Variants in SNX31 observed in about 807,000 individuals in gnomAD.
SNX31 encodes the protein sorting nexin 31.
A neutral mutation model predicts 65.4 loss-of-function variants in SNX31; 58 were observed. That is an observed-to-expected ratio of 0.89 (90% confidence interval 0.72 to 1.10). The LOEUF is 1.10. Ranked by LOEUF, SNX31 falls within the 50% of genes least tolerant of loss-of-function variation. The pLI is 0.00. For missense variants in SNX31, 523 were observed against 529.7 expected, an observed-to-expected ratio of 0.99 and a Z score of 0.12; for synonymous variants, 181 against 190.1, an observed-to-expected ratio of 0.95 and a Z score of 0.39.
chr8:100,656,160 C>T (rs1481456620), intron 1 of SNX31, among the ~76,000 whole-genome samples: 1 of 152,120 alleles, frequency 6.6e-6, no homozygotes, highest in Admixed American at 6.5e-5. Flanking sequence ...GAATGGCTGT[C>T]AACAGAAGAC....
rs1819018809 is a variant in SNX31 at position 100,639,652 on chromosome 8, A to T, written c.142-3641T>A. ...TGACTACATATAGAAATATTTATTC[A>T]TGTGTCTGTATACATGGGTTTGTAT... On this transcript the variant is annotated intron_variant, in intron 2 of 13. Coordinates refer to ENST00000311812, the MANE Select transcript of SNX31 (RefSeq NM_152628.4). Among the ~76,000 whole-genome samples, 3 of 152,218 alleles carry T rather than the reference A, an allele frequency of 2.0e-5. No individual in the cohort carries two copies. In the South Asian group the frequency reaches 6.2e-4, roughly 32 times the overall value.
chr8:100,634,189 A>G (rs371689441), intron 3 of SNX31, among the ~76,000 whole-genome samples: 1 of 152,258 alleles, frequency 6.6e-6, no homozygotes, highest in South Asian at 2.1e-4. Flanking sequence ...TGTACACAGC[A>G]TTTCTAGGAC....
intron 8 of SNX31, among the ~76,000 whole-genome samples, chr8:100,605,433 G>T (rs1379909213): frequency 6.6e-6 from 1 of 151,808 alleles, no homozygotes; most frequent in African/African-American, 2.4e-5. Context: ...AGGGAACAAT[G>T]ATGATGATGA....
chr8:100,619,529 G>T (rs780590366), intron 4 of SNX31, among the ~76,000 whole-genome samples: 3 of 152,232 alleles, frequency 2.0e-5, no homozygotes, highest in Non-Finnish European at 4.4e-5. Context: ...GTTCAGGGAA[G>T]CACAGGCTGA....
Position 100,588,822 on chromosome 8 carries a change from C to T in SNX31, c.1092+44G>A, listed in dbSNP as rs1469997613. The stretch of plus-strand genomic sequence containing the variant: ...TCATCCACCCCAGCAAGCAAGACAG[C>T]ATTTCAGCACAGAGGGTGTTCAAGG... On this transcript the variant is annotated intron_variant, in intron 11 of 13. Coordinates refer to ENST00000311812, the MANE Select transcript of SNX31 (RefSeq NM_152628.4). The surrounding 1 kb of genome is among the most constrained non-coding windows in gnomAD (Gnocchi z 4.8). 1 of 1,427,842 alleles carries T rather than the reference C, an allele frequency of 7.0e-7. No individual in the cohort carries two copies. Among genetic ancestry groups the T allele is most frequent in the South Asian group, 1.2e-5 (1 of 85,744 alleles). The allele number at this position is 1,427,842 out of a possible 1,614,324, so 88.4% of individuals were successfully genotyped here.
chr8:100,659,006 C>G (rs1454518760), intron 1 of SNX31, among the ~76,000 whole-genome samples: 1 of 152,092 alleles, frequency 6.6e-6, no homozygotes, highest in Non-Finnish European at 1.5e-5. Context: ...GGGATTCACA[C>G]ATGGATTACA....
rs1816812115 is a variant in SNX31, at chr8:100,612,612, C to A, written c.523+383G>T. Among the ~76,000 whole-genome samples, 1 of 152,130 alleles carries A rather than the reference C, an allele frequency of 6.6e-6. No homozygotes were observed. Among genetic ancestry groups the A allele is most frequent in the Non-Finnish European group, 1.5e-5 (1 of 68,038 alleles). ...AATCTAATAACTCATTGATACCATCCACAAATATTCCTTAACAAGGAGAAA... is the reference window on the plus strand; with the variant it reads ...AATCTAATAACTCATTGATACCATCAACAAATATTCCTTAACAAGGAGAAA... On this transcript the variant is annotated intron_variant, in intron 6 of 13. Transcript: ENST00000311812. This position sits in a 1 kb window ranked among gnomAD's most constrained non-coding sequence, Gnocchi z 4.3.
chr8:100,657,409 G>A (rs374819355), intron 1 of SNX31, among the ~76,000 whole-genome samples: 3 of 148,586 alleles, frequency 2.0e-5, no homozygotes, highest in Non-Finnish European at 3.0e-5. Context: ...CCAAGATCGC[G>A]CCATTGTGCT....
At position 100,626,370 on chromosome 8, in the gene SNX31, C is replaced by G. The variant is rs1290141184; in HGVS notation, c.321+3957G>C. ...GCCAAAATTTGAACTGAGGCCATCT[C>G]ACTACTTAGCCTGAACTCTTAACCC... On this transcript the variant is annotated intron_variant, in intron 4 of 13. Transcript: ENST00000311812. This position sits in a 1 kb window ranked among gnomAD's most constrained non-coding sequence, Gnocchi z 4.4. Among the ~76,000 whole-genome samples, 1 of 152,184 alleles carries G rather than the reference C, an allele frequency of 6.6e-6. No homozygotes were observed. Among genetic ancestry groups the G allele is most frequent in the Non-Finnish European group, 1.5e-5 (1 of 68,030 alleles).
intron 13 of SNX31, among the ~76,000 whole-genome samples, chr8:100,574,910 G>C (rs1169474360): frequency 6.6e-6 from 1 of 152,192 alleles, no homozygotes; most frequent in East Asian, 1.9e-4. Context: ...CTCCAGCCTG[G>C]GCAAGGGAGC....
At chr8:100,633,921 A>G (rs1818576441) in intron 3 of SNX31, among the ~76,000 whole-genome samples, 2 of 152,242 alleles carry the variant, frequency 1.3e-5, no homozygotes. Context: ...AAGTATGTAT[A>G]GTAAAGTTCA....
chr8:100,655,524 TG>T (rs147381339), intron 1 of SNX31, among the ~76,000 whole-genome samples: 5,550 of 152,272 alleles, frequency 0.036, 297 homozygotes, highest in African/African-American at 0.12. Flanking sequence ...AAACCCCTTT[TG>T]CTTGGCTCAT....
rs936531337 is a variant in SNX31, at chr8:100,626,182, A to G, written c.321+4145T>C. Reference sequence around the variant, plus strand: ...TGAAGGTAGTGACTACCTCATATCTATTAACATTGTGCCGGATGATATGCT... The same window carrying G: ...TGAAGGTAGTGACTACCTCATATCTGTTAACATTGTGCCGGATGATATGCT... On this transcript the variant is annotated intron_variant, in intron 4 of 13. Coordinates refer to ENST00000311812, the MANE Select transcript of SNX31 (RefSeq NM_152628.4). The surrounding 1 kb of genome is among the most constrained non-coding windows in gnomAD (Gnocchi z 4.4). 1.3e-5 allele frequency among the ~76,000 whole-genome samples: 2 copies of G among 152,180 alleles called. No homozygotes were observed. Among genetic ancestry groups the G allele is most frequent in the African/African-American group, 4.8e-5 (2 of 41,448 alleles).
At chr8:100,584,064 A>T (rs1345224985) in intron 12 of SNX31, 47 bp downstream of exon 12, 1 of 1,561,772 alleles carries the variant, frequency 6.4e-7, no homozygotes, top group Non-Finnish European at 8.7e-7. Flanking sequence ...CTGTTGGCTG[A>T]TAGTGGGAAC....
intron 10 of SNX31, among the ~76,000 whole-genome samples, chr8:100,595,803 A>G (rs1470782133): frequency 6.6e-6 from 1 of 152,196 alleles, no homozygotes. Context: ...AGAGGTAGAA[A>G]AAACTGGGCC....
At chr8:100,657,117 A>G (rs543349123) in intron 1 of SNX31, among the ~76,000 whole-genome samples, 1 of 152,304 alleles carries the variant, frequency 6.6e-6, no homozygotes, top group Admixed American at 6.5e-5. Flanking sequence ...ATGAGGAGGG[A>G]AAGTGACACA....
chr8:100,636,106 G>A, intron 2 of SNX31, 95 bp from the exon 3 acceptor site: 1 of 787,026 alleles, frequency 1.3e-6, no homozygotes, highest in Non-Finnish European at 2.1e-6. Flanking sequence ...TCCCATCCCA[G>A]CACTTTATTT....
In SNX31 at chr8:100,604,167, C is replaced by T. The variant is rs1198980747; in HGVS notation, c.682-3726G>A. Reference sequence around the variant, plus strand: ...TGAGAGTCGAGTCTAGACAAGTCTACTCAGTTACACGGTTCCCTGAACACT... The same window carrying T: ...TGAGAGTCGAGTCTAGACAAGTCTATTCAGTTACACGGTTCCCTGAACACT... On this transcript the variant is annotated intron_variant, in intron 8 of 13. Transcript: ENST00000311812. The surrounding 1 kb of genome is among the most constrained non-coding windows in gnomAD (Gnocchi z 4.3). Among the ~76,000 whole-genome samples, 1 of 152,154 alleles carries T rather than the reference C, an allele frequency of 6.6e-6. No homozygotes were observed. Among genetic ancestry groups the T allele is most frequent in the African/African-American group, 2.4e-5 (1 of 41,412 alleles).
In SNX31 at chr8:100,604,643, A is replaced by C. The variant is rs1354909930; in HGVS notation, c.681+3851T>G. On this transcript the variant is annotated intron_variant, in intron 8 of 13. Transcript: ENST00000311812. This position sits in a 1 kb window ranked among gnomAD's most constrained non-coding sequence, Gnocchi z 4.3. ...GGCCCCGCTGAAATGCAGGCCCAGAATTGACTGAGCCTTCAAAATGTATAC... is the reference window on the plus strand; with the variant it reads ...GGCCCCGCTGAAATGCAGGCCCAGACTTGACTGAGCCTTCAAAATGTATAC... 6.6e-6 allele frequency among the ~76,000 whole-genome samples: 1 copy of C among 152,286 alleles called. No homozygotes were observed. The highest frequency in any genetic ancestry group is 2.4e-5 in the African/African-American group (1 of 41,484).
Sources: allele counts gnomAD v4.1 joint callset (sites outside exome capture counted in the v4.1 genomes callset), GRCh38; gene constraint gnomAD v4.1.1; non-coding constraint Gnocchi (gnomAD v3.1); transcripts MANE v1.5; gene names NCBI Gene and HGNC (gene_info 2026-07-23, HGNC 2026-07-21).